Variants in CSMD1 observed in about 807,000 individuals in gnomAD.
The protein encoded by CSMD1 is CUB and Sushi multiple domains 1, also known as CUB and sushi domain-containing protein 1.
CSMD1 carries 213 observed loss-of-function variants against 417.5 expected under a neutral mutation model. The ratio of observed to expected loss-of-function variants is 0.51; its 90% CI spans 0.46 to 0.57. The LOEUF (loss-of-function observed/expected upper bound fraction) is 0.57, where lower values mean the gene tolerates loss of function less well. Ranked by LOEUF, CSMD1 falls within the 20% of genes least tolerant of loss-of-function variation. The pLI is 0.00. For missense variants in CSMD1, 6,923 were observed against 4,529.7 expected (o/e 1.53, Z -15.17); for synonymous variants, 2,862 against 1,736.8 (o/e 1.65, Z -16.11).
At chr8:3,115,543 G>T (rs1014386542) in intron 42 of CSMD1, among the ~76,000 whole-genome samples, 2 of 152,050 alleles carry the variant, frequency 1.3e-5, no homozygotes, top group Non-Finnish European at 2.9e-5. Context: ...TGAGACTTCT[G>T]TGTAATTATG....
intron 53 of CSMD1, among the ~76,000 whole-genome samples, chr8:2,998,767 G>C (rs762464082): frequency 1.3e-5 from 2 of 152,174 alleles, no homozygotes; most frequent in Non-Finnish European, 2.9e-5. Context: ...TCATGCCCCA[G>C]ATAACAGCAA....
intron 37 of CSMD1, among the ~76,000 whole-genome samples, chr8:3,172,725 G>A (rs1384435647): frequency 6.6e-6 from 1 of 152,178 alleles, no homozygotes; most frequent in Non-Finnish European, 1.5e-5. Flanking sequence ...TGCACTCTGT[G>A]AAGGTCATTC....
At chr8:4,816,598 G>T (rs912782757) in intron 1 of CSMD1, among the ~76,000 whole-genome samples, 9 of 152,162 alleles carry the variant, frequency 5.9e-5, no homozygotes, top group African/African-American at 1.7e-4. Flanking sequence ...GTCAAGCACA[G>T]TCGAGGAACC....
At chr8:3,909,530 G>A (rs151201704) in intron 5 of CSMD1, among the ~76,000 whole-genome samples, 1 of 152,196 alleles carries the variant, frequency 6.6e-6, no homozygotes. Context: ...CAGCGTGGTC[G>A]CTCTCCCCAG....
chr8:4,939,264 A>C (rs966200601), intron 1 of CSMD1, among the ~76,000 whole-genome samples: 1 of 152,232 alleles, frequency 6.6e-6, no homozygotes. Context: ...AAAAACTAAA[A>C]ATAGAACAAC....
intron 6 of CSMD1, among the ~76,000 whole-genome samples, chr8:3,714,194 C>G (rs1471592): frequency 0.15 from 21,930 of 149,960 alleles, 1,945 homozygotes; most frequent in East Asian, 0.25. Context: ...ATAATAAGCT[C>G]CATATATAAC....
chr8:4,239,771 C>A (rs1020523075), intron 3 of CSMD1, among the ~76,000 whole-genome samples: 1 of 152,176 alleles, frequency 6.6e-6, no homozygotes, highest in Non-Finnish European at 1.5e-5. Context: ...AATGGTCTAT[C>A]TTTCACGTTA....
chr8:4,687,199 G>A (rs1276133864), intron 1 of CSMD1, among the ~76,000 whole-genome samples: 1 of 152,178 alleles, frequency 6.6e-6, no homozygotes, highest in African/African-American at 2.4e-5. Context: ...TCAGAGCCAA[G>A]GAAGAGGCTT....
intron 1 of CSMD1, among the ~76,000 whole-genome samples, chr8:4,807,738 C>T (rs1333814360): frequency 6.6e-6 from 1 of 152,142 alleles, no homozygotes; most frequent in Non-Finnish European, 1.5e-5. Context: ...CTGTAGTCTT[C>T]TGTTAAGAAT....
chr8:4,971,520 T>C (rs1370799475), intron 1 of CSMD1, among the ~76,000 whole-genome samples: 2 of 152,028 alleles, frequency 1.3e-5, no homozygotes, highest in Non-Finnish European at 2.9e-5. Context: ...ATGAAGAATT[T>C]ATTTTTATCT....
intron 8 of CSMD1, among the ~76,000 whole-genome samples, chr8:3,603,310 T>C (rs1044499056): frequency 6.6e-6 from 1 of 152,222 alleles, no homozygotes; most frequent in African/African-American, 2.4e-5. Flanking sequence ...CATAGGAATA[T>C]GTTATGTTCC....
At chr8:4,396,659 C>T (rs913742116) in intron 3 of CSMD1, among the ~76,000 whole-genome samples, 1 of 151,848 alleles carries the variant, frequency 6.6e-6, no homozygotes, top group Non-Finnish European at 1.5e-5. Flanking sequence ...CTATATATCT[C>T]CCCATACACA....
At chr8:4,348,692 T>C (rs912170823) in intron 3 of CSMD1, among the ~76,000 whole-genome samples, 1 of 151,626 alleles carries the variant, frequency 6.6e-6, no homozygotes, top group Non-Finnish European at 1.5e-5. Flanking sequence ...ACATATCCGC[T>C]TAAGTGAATT....
At chr8:4,138,627 A>G (rs1472505026) in intron 3 of CSMD1, among the ~76,000 whole-genome samples, 1 of 151,972 alleles carries the variant, frequency 6.6e-6, no homozygotes, top group Non-Finnish European at 1.5e-5. Context: ...TAAACAAAGG[A>G]AAAAACATCT....
At chr8:3,838,077 G>A (rs543133954) in intron 5 of CSMD1, among the ~76,000 whole-genome samples, 1 of 152,064 alleles carries the variant, frequency 6.6e-6, no homozygotes, top group Non-Finnish European at 1.5e-5. Context: ...GTAGGGCTTT[G>A]GGAAAGCTGT....
intron 2 of CSMD1, among the ~76,000 whole-genome samples, chr8:4,559,842 C>G (rs868385199): frequency 2.0e-5 from 3 of 152,214 alleles, no homozygotes; most frequent in Non-Finnish European, 2.9e-5. Context: ...TTCATCTTAC[C>G]TTTCTCCACT....
At chr8:3,533,502 T>G (rs868029834) in intron 10 of CSMD1, among the ~76,000 whole-genome samples, 3 of 152,178 alleles carry the variant, frequency 2.0e-5, no homozygotes, top group Non-Finnish European at 4.4e-5. Context: ...GTGAGCAGCT[T>G]ACTTCACTTA....
At chr8:4,919,273 G>C (rs553457876) in intron 1 of CSMD1, among the ~76,000 whole-genome samples, 26 of 152,272 alleles carry the variant, frequency 1.7e-4, no homozygotes, top group African/African-American at 6.0e-4. Flanking sequence ...AAAAAGAAGA[G>C]TTCTGTCAAT....
At chr8:3,699,661 T>C (rs1468350542) in intron 7 of CSMD1, among the ~76,000 whole-genome samples, 1 of 152,190 alleles carries the variant, frequency 6.6e-6, no homozygotes, top group Non-Finnish European at 1.5e-5. Context: ...GTGTGACAAA[T>C]ATTTACTGGT....
Sources: gnomAD v4.1 joint callset for allele counts (sites outside exome capture counted in the v4.1 genomes callset) on GRCh38, gnomAD v4.1.1 for gene constraint, MANE v1.5 for transcripts, NCBI Gene and HGNC (gene_info 2026-07-23, HGNC 2026-07-21) for gene names.